The following MEGF8 variants were observed in gnomAD, a reference collection of about 807,000 sequenced individuals.
The protein encoded by MEGF8 is multiple EGF like domains 8, also known as multiple epidermal growth factor-like domains protein 8.
Under a neutral mutation model 302.9 loss-of-function variants are expected in MEGF8, and 156 were observed. That is an observed-to-expected ratio of 0.52 (90% confidence interval 0.45 to 0.59). The LOEUF is 0.59. MEGF8 is among the 20% of genes least tolerant of loss of function. The probability of loss-of-function intolerance (pLI) is 0.00; values close to 1 mark genes in which losing one functional copy is unlikely to be tolerated. For missense variants in MEGF8, 3,345 were observed against 3,964.5 expected (o/e 0.84, Z 4.20); for synonymous variants, 1,621 against 1,660.5 (o/e 0.98, Z 0.58).
In MEGF8 at chr19:42,377,407, A is replaced by G. The variant is rs1162832698; in HGVS notation, c.*632A>G. The G allele has an allele frequency of 6.5e-6, 1 of 152,778 alleles. No homozygotes were observed. Among genetic ancestry groups the G allele is most frequent in the Non-Finnish European group, 1.5e-5 (1 of 68,146 alleles). The allele number at this position is 152,778 out of a possible 1,614,324, so 9.5% of individuals were successfully genotyped here. A position where few individuals can be genotyped will look rare whatever the true frequency, so the allele number is the denominator to read the frequency against. Reference sequence around the variant, plus strand: ...TCACCCAGGGCCTTGTGGGCCCCACATAGGGTTTTGGGTTTTATTCTCAGG... The same window carrying G: ...TCACCCAGGGCCTTGTGGGCCCCACGTAGGGTTTTGGGTTTTATTCTCAGG... On this transcript the variant is annotated 3_prime_UTR_variant, in exon 42 of 42. Transcript: ENST00000251268.
rs544622424 is a variant in MEGF8 at position 42,359,261 on chromosome 19, T to A, written c.5488+19T>A. On this transcript the variant is annotated intron_variant, in intron 31 of 41. Coordinates refer to ENST00000251268, the MANE Select transcript of MEGF8 (RefSeq NM_001271938.2). ...CTCACCCGTAAGTCCCCATTGTGGC[T>A]CCCAGGAGGCTGAGGGACATCCAGG... 2.2e-5 allele frequency: 33 copies of A among 1,527,366 alleles called. No individual in the cohort carries two copies. The African/African-American group carries it at 3.2e-4, about 15-fold the overall frequency. 94.6% of individuals were successfully genotyped at this position (1,527,366 alleles called of 1,614,324 possible).
In MEGF8 at chr19:42,350,325, C is replaced by G. The variant is rs540243963; in HGVS notation, c.2677C>G (p.Leu893Val). ...DDGAGGSLLV[L>V]VPTLCPLCEE... ...CGGGGCTGGTGGGTCCCTGCTGGTG[C>G]TGGTGCCTACCCTCTGCCCACTCTG... The change falls in exon 15 of 42, where the codon CTG becomes GTG. Residue 893 changes from leucine (L) to valine (V), a missense_variant. Transcript: ENST00000251268. 2.5e-6 allele frequency: 4 copies of G among 1,607,212 alleles called. No homozygotes were observed. The African/African-American group carries it at 5.3e-5, about 21-fold the overall frequency.
In MEGF8 at chr19:42,358,029, G is replaced by A; in HGVS notation, c.5012-115G>A. ...GGGACGGGTGGAGAGGGGCTCCCAG[G>A]CCTCCAGTCTCAGGGCCGGGGAAGG... On this transcript the variant is annotated intron_variant, in intron 28 of 41. Transcript: ENST00000251268. This position sits in a 1 kb window ranked among gnomAD's most constrained non-coding sequence, Gnocchi z 4.4. 9.6e-7 allele frequency: 1 copy of A among 1,042,372 alleles called. No individual in the cohort carries two copies. Among genetic ancestry groups the A allele is most frequent in the Non-Finnish European group, 1.3e-6 (1 of 757,130 alleles). 64.6% of individuals were successfully genotyped at this position (1,042,372 alleles called of 1,614,324 possible).
chr19:42,354,836 G>A lies in MEGF8; in HGVS notation c.4144+116G>A, dbSNP rs1298189251. On this transcript the variant is annotated intron_variant, in intron 23 of 41. Coordinates refer to ENST00000251268, the MANE Select transcript of MEGF8 (RefSeq NM_001271938.2). This position sits in a 1 kb window ranked among gnomAD's most constrained non-coding sequence, Gnocchi z 4.3. ...GCTCTGCCGCTGCTTATGGGGTGAT[G>A]TAGTCCCTCACCATCTCTGGACCTC... The A allele has an allele frequency of 2.0e-5, 23 of 1,154,248 alleles. No homozygotes were observed. The East Asian group carries it at 5.9e-4, about 30-fold the overall frequency. The allele number at this position is 1,154,248 out of a possible 1,614,324, so 71.5% of individuals were successfully genotyped here.
chr19:42,355,101 C>T (rs1390666182), intron 23 of MEGF8, among the ~76,000 whole-genome samples: 4 of 152,054 alleles, frequency 2.6e-5, no homozygotes, highest in Non-Finnish European at 2.9e-5. Flanking sequence ...GGATTACAGG[C>T]GCATGCCACC....
chr19:42,377,475 G>C lies in MEGF8; in HGVS notation c.*700G>C, dbSNP rs377660370. The C allele has an allele frequency of 6.6e-6, 1 of 152,642 alleles. No homozygotes were observed. Among genetic ancestry groups the C allele is most frequent in the African/African-American group, 2.4e-5 (1 of 41,424 alleles). The allele number at this position is 152,642 out of a possible 1,614,324, so 9.5% of individuals were successfully genotyped here. ...GATGGTTTGATGAAGGGGAGTGACA[G>C]GATCCGATGTACCTATTTAAGAATT... is the stretch of plus-strand genomic sequence containing the variant. On this transcript the variant is annotated 3_prime_UTR_variant, in exon 42 of 42. Transcript: ENST00000251268.
chr19:42,336,820 G>T lies in MEGF8; in HGVS notation c.1258G>T (p.Val420Leu). 1.3e-6 allele frequency: 2 copies of T among 1,596,328 alleles called. No individual in the cohort carries two copies. Among genetic ancestry groups the T allele is most frequent in the Non-Finnish European group, 1.7e-6 (2 of 1,170,682 alleles). The stretch of plus-strand genomic sequence containing the variant: ...CTCCTTCGGTAGGTTCTCTGTGCGA[G>T]TGAACTCCACTGAGCTTTTCCACGT... ...RPSTARFSVRVNSTELFHVDR... is the reference protein window; with the variant it reads ...RPSTARFSVRLNSTELFHVDR... Residue 420 changes from valine to leucine, a missense_variant, in exon 7 of 42, where the codon GTG becomes TTG. Transcript: ENST00000251268. This position sits in a 1 kb window ranked among gnomAD's most constrained non-coding sequence, Gnocchi z 4.8.
At chr19:42,337,270 G>A in intron 8 of MEGF8, 64 bp downstream of exon 8, 1 of 1,606,138 alleles carries the variant, frequency 6.2e-7, no homozygotes, top group Admixed American at 1.7e-5. Flanking sequence ...TAGTGATTCT[G>A]GGCTCAAGCC....
In MEGF8 at chr19:42,353,472, A is replaced by C. The variant is rs767915504; in HGVS notation, c.3558A>C (p.Thr1186=). The change falls in exon 21 of 42, where the codon ACA becomes ACC. Residue 1186 remains threonine (T), a synonymous_variant. Transcript: ENST00000251268. The surrounding 1 kb of genome is among the most constrained non-coding windows in gnomAD (Gnocchi z 6.1). ...PGFCDECQDW[T]WGEHCERCRP... is the part of the protein sequence containing the mutation. ...CTGCTGGGGCCTCCACAGACTGGAC[A>C]TGGGGGGAGCACTGCGAACGATGCC... 1 of 1,610,544 alleles carries C rather than the reference A, an allele frequency of 6.2e-7. No homozygotes were observed. Among genetic ancestry groups the C allele is most frequent in the South Asian group, 1.1e-5 (1 of 90,722 alleles).
rs771640188 is a variant in MEGF8 at position 42,362,111 on chromosome 19, C to T, written c.5742C>T (p.Pro1914=). Reference sequence around the variant, plus strand: ...TTAGGCTGGGCTGCGGGGGCTCCCCCTGCTCCCCAATGCCTCGCTCCCCGG... The same window carrying T: ...TTAGGCTGGGCTGCGGGGGCTCCCCTTGCTCCCCAATGCCTCGCTCCCCGG... The part of the protein sequence containing the change: ...QAHRLGCGGS[P]CSPMPRSPEE... Residue 1914 remains proline, a synonymous_variant, in exon 33 of 42, where the codon CCC becomes CCT. Coordinates refer to ENST00000251268, the MANE Select transcript of MEGF8 (RefSeq NM_001271938.2). 1 of 1,612,452 alleles carries T rather than the reference C, an allele frequency of 6.2e-7. No homozygotes were observed. The highest frequency in any genetic ancestry group is 1.1e-5 in the South Asian group (1 of 90,742).
rs1435608858 is a variant in MEGF8, at chr19:42,326,378, G to C, written c.135G>C (p.Thr45=). The change falls in exon 1 of 42, where the codon ACG becomes ACC. Residue 45 remains threonine (T), a synonymous_variant. Transcript: ENST00000251268. ...TGCGGGAGGCGCCAGGCTTCGTGAC[G>C]GATGGTGCGGGCAACTACAGCGTCA... ...QVLREAPGFV[T]DGAGNYSVNG... is the part of the protein sequence containing the mutation. The C allele has an allele frequency of 6.3e-7, 1 of 1,584,834 alleles. No homozygotes were observed. Among genetic ancestry groups the C allele is most frequent in the Non-Finnish European group, 8.6e-7 (1 of 1,168,356 alleles).
At chr19:42,346,137 T>C (rs1292124120) in intron 12 of MEGF8, among the ~76,000 whole-genome samples, 1 of 152,204 alleles carries the variant, frequency 6.6e-6, no homozygotes, top group Non-Finnish European at 1.5e-5. Flanking sequence ...CCTGACCTCA[T>C]GATCTGCCTG....
At chr19:42,338,823 G>GT (rs1568558802) in intron 8 of MEGF8, among the ~76,000 whole-genome samples, 45 of 79,576 alleles carry the variant, frequency 5.7e-4, no homozygotes, top group Middle Eastern at 5.9e-3. Context: ...TTCTTTCTAT[G>GT]TATTTTTTTT....
rs775029418 is a variant in MEGF8 at position 42,375,714 on chromosome 19, C to T, written c.7477C>T (p.Leu2493=). Reference sequence around the variant, plus strand: ...CACCAACGTGGACATCCGCCTGACGCTGGACGTGACCTTCGGGGCCGTGGA... The same window carrying T: ...CACCAACGTGGACATCCGCCTGACGTTGGACGTGACCTTCGGGGCCGTGGA... ...KFTNVDIRLT[L]DVTFGAVDLY... The change falls in exon 42 of 42, where the codon CTG becomes TTG. Residue 2493 remains leucine (L), a synonymous_variant. Coordinates refer to ENST00000251268, the MANE Select transcript of MEGF8 (RefSeq NM_001271938.2). The surrounding 1 kb of genome is among the most constrained non-coding windows in gnomAD (Gnocchi z 7.1). 13 of 1,611,702 alleles carry T rather than the reference C, an allele frequency of 8.1e-6. No homozygotes were observed. In the South Asian group the frequency reaches 1.4e-4, roughly 18 times the overall value.
chr19:42,351,477 G>A lies in MEGF8; in HGVS notation c.2904G>A (p.Trp968Ter). ...TGGCCAACTCTAGCCAGTGCGCCTG[G>A]TGCCAGTCCACCCACACCTGCTTCC... ...DCLANSSQCA[W>*]CQSTHTCFLF... The change falls in exon 17 of 42, where the codon TGG becomes TGA. Residue 968 changes from tryptophan to a stop codon, truncating the protein, a stop_gained. Coordinates refer to ENST00000251268, the MANE Select transcript of MEGF8 (RefSeq NM_001271938.2). LOFTEE classifies it high-confidence loss of function. The surrounding 1 kb of genome is among the most constrained non-coding windows in gnomAD (Gnocchi z 5.6). The A allele has an allele frequency of 6.2e-7, 1 of 1,603,626 alleles. No individual in the cohort carries two copies. The highest frequency in any genetic ancestry group is 8.5e-7 in the Non-Finnish European group (1 of 1,175,528).
intron 1 of MEGF8, among the ~76,000 whole-genome samples, chr19:42,330,432 C>T (rs990912918): frequency 1.3e-5 from 2 of 152,124 alleles, no homozygotes; most frequent in Admixed American, 6.6e-5. Flanking sequence ...AGAAACAGAG[C>T]TTTATAGTTT....
chr19:42,356,116 G>A lies in MEGF8; in HGVS notation c.4426G>A (p.Gly1476Arg), dbSNP rs747079911. 2.0e-5 allele frequency: 32 copies of A among 1,584,302 alleles called. No homozygotes were observed. In the Admixed American group the frequency reaches 2.1e-4, roughly 10 times the overall value. ...TGTGTGCATCTGTGCCGAGGGCTTC[G>A]GGGGCCCCGACTGCGCCACCAAGCT... is the stretch of plus-strand genomic sequence containing the variant. ...LGVCICAEGFGGPDCATKLDG... is the reference protein window; with the variant it reads ...LGVCICAEGFRGPDCATKLDG... The change falls in exon 25 of 42, where the codon GGG (glycine) becomes AGG (arginine). Residue 1476 changes from glycine to arginine, a missense_variant. By Grantham distance (125) the Gly-to-Arg change is moderately radical. Coordinates refer to ENST00000251268, the MANE Select transcript of MEGF8 (RefSeq NM_001271938.2). This position sits in a 1 kb window ranked among gnomAD's most constrained non-coding sequence, Gnocchi z 5.2.
In MEGF8 at chr19:42,344,664, T is replaced by A; in HGVS notation, c.1934-6T>A. 1 of 1,569,200 alleles carries A rather than the reference T, an allele frequency of 6.4e-7. No individual in the cohort carries two copies. Among genetic ancestry groups the A allele is most frequent in the Non-Finnish European group, 8.7e-7 (1 of 1,154,358 alleles). ...ACCCACCGGCCCCCACCCCCTGTCTTCTCAGAGCAGGCCCGCTGCCGAGGG... is the reference window on the plus strand; with the variant it reads ...ACCCACCGGCCCCCACCCCCTGTCTACTCAGAGCAGGCCCGCTGCCGAGGG... On this transcript the variant is annotated splice_region_variant and splice_polypyrimidine_tract_variant and intron_variant, in intron 11 of 41. Transcript: ENST00000251268. The surrounding 1 kb of genome is among the most constrained non-coding windows in gnomAD (Gnocchi z 4.5).
intron 32 of MEGF8, among the ~76,000 whole-genome samples, 166 bp downstream of exon 32, chr19:42,361,172 C>T (rs2039526799): frequency 6.6e-6 from 1 of 152,204 alleles, no homozygotes; most frequent in South Asian, 2.1e-4. Context: ...GGGATCCCTG[C>T]CTGGGACTGG....
Sources: gnomAD v4.1 joint callset for allele counts (sites outside exome capture counted in the v4.1 genomes callset) on GRCh38, gnomAD v4.1.1 for gene constraint, Gnocchi (gnomAD v3.1) non-coding constraint, MANE v1.5 for transcripts, NCBI Gene and HGNC (gene_info 2026-07-23, HGNC 2026-07-21) for gene names.